The following NRXN3 variants were observed in gnomAD, a reference collection of about 807,000 sequenced individuals.
The protein encoded by NRXN3 is neurexin III.
Under a neutral mutation model 137.6 loss-of-function variants are expected in NRXN3, and 32 were observed. The observed-to-expected ratio is 0.23, with a 90% CI of 0.18 to 0.31. The LOEUF is 0.31. Among genes scored for constraint, NRXN3 ranks in the 10% least tolerant of loss-of-function variants. The pLI, the probability that NRXN3 is intolerant of heterozygous loss-of-function variation, is 1.00. For synonymous variants in NRXN3, 798 were observed against 784.5 expected (o/e 1.02, Z -0.29); for missense variants, 1,574 against 2,062.5 (o/e 0.76, Z 4.59).
intron 15 of NRXN3, among the ~76,000 whole-genome samples, chr14:79,442,086 T>A (rs886310639): frequency 6.6e-6 from 1 of 152,150 alleles, no homozygotes; most frequent in Admixed American, 6.5e-5. Flanking sequence ...TTTAGATACT[T>A]CATTAATTAT....
intron 15 of NRXN3, among the ~76,000 whole-genome samples, chr14:79,260,690 C>T (rs142097350): frequency 1.2e-3 from 188 of 152,242 alleles, no homozygotes; most frequent in African/African-American, 4.1e-3. Context: ...GAGCAGGCAG[C>T]CCTCAGTTTC....
chr14:79,230,620 G>T (rs542541357), intron 15 of NRXN3, among the ~76,000 whole-genome samples: 1 of 152,148 alleles, frequency 6.6e-6, no homozygotes, highest in East Asian at 1.9e-4. Context: ...AAGTTCACTG[G>T]CTTTGGTGAT....
chr14:78,332,215 A>G (rs183542040), intron 4 of NRXN3, among the ~76,000 whole-genome samples: 245 of 152,200 alleles, frequency 1.6e-3, no homozygotes, highest in African/African-American at 5.7e-3. Context: ...ACCCTCGATA[A>G]ATATCTTTTC....
chr14:78,875,548 C>T (rs154307), intron 10 of NRXN3, among the ~76,000 whole-genome samples: 1,591 of 152,026 alleles, frequency 0.01, 21 homozygotes, highest in African/African-American at 0.037. Flanking sequence ...TATATGGTAC[C>T]CTGTTGGGAA....
rs10650669 is a variant in NRXN3, at chr14:78,653,710, T to TACACACACACACACACACACACACACAC, written c.1221+2390_1221+2417dup. On this transcript the variant is annotated intron_variant, in intron 6 of 20. Coordinates refer to ENST00000335750, the MANE Select transcript of NRXN3 (RefSeq NM_001330195.2). ...CATGTGGAAACAAAAGAAAATAAAA[T>TACACACACACACACACACACACACACAC]ACACACACACACACACACACACACA... 1.1e-4 allele frequency among the ~76,000 whole-genome samples: 16 copies of TACACACACACACACACACACACACACAC among 143,004 alleles called. No individual in the cohort carries two copies. In the East Asian group the frequency reaches 1.5e-3, roughly 13 times the overall value. 93.8% of individuals were successfully genotyped at this position (143,004 alleles called of 152,430 possible). A position where few individuals can be genotyped will look rare whatever the true frequency, so the allele number is the denominator to read the frequency against.
In NRXN3 at chr14:79,365,915, C is replaced by A. The variant is rs75442167; in HGVS notation, c.3263-101306C>A. On this transcript the variant is annotated intron_variant, in intron 15 of 20. Coordinates refer to ENST00000335750, the MANE Select transcript of NRXN3 (RefSeq NM_001330195.2). ...TGTGAAAGAGGTTAAGATCAGACCG[C>A]TTTCTGATTGCAGAGATAAAATTGA... is the stretch of plus-strand genomic sequence containing the variant. 8.3e-3 allele frequency among the ~76,000 whole-genome samples: 1,257 copies of A among 151,894 alleles called. 25 individuals are homozygous for A. Among genetic ancestry groups the A allele is most frequent in the South Asian group, 0.082 (395 of 4,794 alleles).
intron 15 of NRXN3, among the ~76,000 whole-genome samples, chr14:79,390,328 A>AG: frequency 6.6e-6 from 1 of 151,866 alleles, no homozygotes; most frequent in African/African-American, 2.4e-5. Context: ...AAAAAAAAAA[A>AG]AAAAACCTAC....
chr14:78,828,280 A>C (rs1448340327), intron 10 of NRXN3, among the ~76,000 whole-genome samples: 1 of 152,214 alleles, frequency 6.6e-6, no homozygotes, highest in Non-Finnish European at 1.5e-5. Context: ...TTCAACTAAC[A>C]ATATTGAGGC....
intron 6 of NRXN3, among the ~76,000 whole-genome samples, chr14:78,681,303 C>T (rs1602346516): frequency 6.6e-6 from 1 of 152,180 alleles, no homozygotes; most frequent in South Asian, 2.1e-4. Flanking sequence ...TTAGAATCCA[C>T]GTGCAGATGT....
intron 19 of NRXN3, among the ~76,000 whole-genome samples, chr14:79,793,969 T>G (rs182375259): frequency 6.6e-6 from 1 of 152,320 alleles, no homozygotes; most frequent in East Asian, 1.9e-4. Context: ...CACTTCTTGA[T>G]GCATGCACAT....
At chr14:79,215,539 C>T (rs1489325601) in intron 15 of NRXN3, among the ~76,000 whole-genome samples, 2 of 152,236 alleles carry the variant, frequency 1.3e-5, no homozygotes, top group East Asian at 3.9e-4. Flanking sequence ...GGGTGAAAAG[C>T]ACGTCTCACA....
At chr14:78,747,620 T>C (rs772138176) in intron 8 of NRXN3, among the ~76,000 whole-genome samples, 20 of 152,258 alleles carry the variant, frequency 1.3e-4, no homozygotes, top group Non-Finnish European at 2.6e-4. Flanking sequence ...ATCCCATCTG[T>C]ATTTTTTCTG....
At chr14:78,420,757 T>G (rs986303939) in intron 4 of NRXN3, among the ~76,000 whole-genome samples, 3 of 152,244 alleles carry the variant, frequency 2.0e-5, no homozygotes, top group Non-Finnish European at 2.9e-5. Flanking sequence ...ATAGCTTAAG[T>G]GCCAATGAAC....
chr14:79,567,855 C>T (rs2097564768), intron 16 of NRXN3, among the ~76,000 whole-genome samples: 1 of 152,070 alleles, frequency 6.6e-6, no homozygotes, highest in Non-Finnish European at 1.5e-5. Flanking sequence ...GCCCATGAAA[C>T]ACTCACTATA....
At chr14:79,669,789 G>A (rs1360339486) in intron 17 of NRXN3, among the ~76,000 whole-genome samples, 5 of 151,980 alleles carry the variant, frequency 3.3e-5, no homozygotes, top group Non-Finnish European at 4.4e-5. Flanking sequence ...GCACCACCCC[G>A]TACCTGCAAA....
chr14:78,746,210 C>A (rs927274189), intron 8 of NRXN3, among the ~76,000 whole-genome samples: 1 of 152,154 alleles, frequency 6.6e-6, no homozygotes, highest in Non-Finnish European at 1.5e-5. Context: ...GTTCTCTAAG[C>A]TGTAAGTAGA....
chr14:79,528,019 C>T (rs2097137414), intron 16 of NRXN3, among the ~76,000 whole-genome samples: 1 of 152,022 alleles, frequency 6.6e-6, no homozygotes, highest in African/African-American at 2.4e-5. Context: ...TTAGCAATTG[C>T]TATAGTCTCC....
At chr14:78,233,095 A>G (rs1024068714) in intron 1 of NRXN3, among the ~76,000 whole-genome samples, 1 of 152,232 alleles carries the variant, frequency 6.6e-6, no homozygotes, top group Non-Finnish European at 1.5e-5. Context: ...GACTGTTGCC[A>G]TGAGTTGCTT....
In NRXN3 at chr14:78,759,586, G is replaced by A. The variant is rs193054950; in HGVS notation, c.2045-44034G>A. The stretch of plus-strand genomic sequence containing the variant: ...AGTCTTGGCATATCATTTTTCCTCT[G>A]GAGATTCTGAAATTGGCCTCGCATT... On this transcript the variant is annotated intron_variant, in intron 8 of 20. Transcript: ENST00000335750. 2.2e-3 allele frequency among the ~76,000 whole-genome samples: 334 copies of A among 152,252 alleles called. 1 individual carries two copies. The highest frequency in any genetic ancestry group is 2.6e-3 in the Non-Finnish European group (176 of 68,018).
Sources: gnomAD v4.1 joint callset for allele counts (sites outside exome capture counted in the v4.1 genomes callset) on GRCh38, gnomAD v4.1.1 for gene constraint, MANE v1.5 for transcripts, NCBI Gene and HGNC (gene_info 2026-07-23, HGNC 2026-07-21) for gene names.